Variants in NRXN3 observed in about 807,000 individuals in gnomAD.
NRXN3 encodes the protein neurexin III.
NRXN3 carries 32 observed loss-of-function variants against 137.6 expected under a neutral mutation model. That is an observed-to-expected ratio of 0.23 (90% CI 0.18 to 0.31). The LOEUF is 0.31. NRXN3 is among the 10% of genes least tolerant of loss of function. The pLI is 1.00. For synonymous variants in NRXN3, 798 were observed against 784.5 expected, an observed-to-expected ratio of 1.02 and a Z score of -0.29; for missense variants, 1,574 against 2,062.5, an observed-to-expected ratio of 0.76 and a Z score of 4.59.
At chr14:79,050,695 A>G (rs1210844565) in intron 15 of NRXN3, among the ~76,000 whole-genome samples, 1 of 152,190 alleles carries the variant, frequency 6.6e-6, no homozygotes, top group Non-Finnish European at 1.5e-5. Flanking sequence ...ATCCAAATCA[A>G]TGCAGACACT....
intron 4 of NRXN3, among the ~76,000 whole-genome samples, chr14:78,300,967 G>T (rs777907023): frequency 1.3e-5 from 2 of 152,196 alleles, no homozygotes; most frequent in East Asian, 3.9e-4. Flanking sequence ...TATCAGGAAC[G>T]GGGGAGGGTG....
Position 79,684,316 on chromosome 14 carries a change from T to G in NRXN3, c.3617-7857T>G, listed in dbSNP as rs189607065. Reference sequence around the variant, plus strand: ...ACTAGAAACTGGCTTGAGTTTTAGTTAGAAACAAGCCTAATATGCGGTCCT... The same window carrying G: ...ACTAGAAACTGGCTTGAGTTTTAGTGAGAAACAAGCCTAATATGCGGTCCT... On this transcript the variant is annotated intron_variant, in intron 17 of 20. Coordinates refer to ENST00000335750, the MANE Select transcript of NRXN3 (RefSeq NM_001330195.2). Among the ~76,000 whole-genome samples the G allele has an allele frequency of 6.6e-5, 10 of 152,274 alleles. No homozygotes were observed. The East Asian group carries it at 1.9e-3, about 29-fold the overall frequency.
At chr14:79,652,484 G>C (rs2098481702) in intron 16 of NRXN3, among the ~76,000 whole-genome samples, 1 of 152,116 alleles carries the variant, frequency 6.6e-6, no homozygotes, top group Non-Finnish European at 1.5e-5. Flanking sequence ...ACCTCATGCT[G>C]TTCCAGGGAC....
intron 15 of NRXN3, among the ~76,000 whole-genome samples, chr14:79,305,251 T>A (rs1424660939): frequency 1.3e-5 from 2 of 152,114 alleles, no homozygotes; most frequent in Non-Finnish European, 2.9e-5. Flanking sequence ...CATTCGTAAA[T>A]ACTCAGATAA....
intron 4 of NRXN3, among the ~76,000 whole-genome samples, chr14:78,550,192 G>A (rs117784457): frequency 0.01 from 1,529 of 152,046 alleles, 8 homozygotes; most frequent in Non-Finnish European, 0.016. Flanking sequence ...GTGCCACCAC[G>A]CCTGGCTAAA....
intron 15 of NRXN3, among the ~76,000 whole-genome samples, chr14:78,989,860 T>C (rs148611873): frequency 1.3e-5 from 2 of 152,336 alleles, no homozygotes; most frequent in East Asian, 3.9e-4. Context: ...AGGTAAGTTA[T>C]CGTAACGTGG....
intron 16 of NRXN3, among the ~76,000 whole-genome samples, chr14:79,474,566 C>T (rs1044343443): frequency 2.0e-5 from 3 of 151,972 alleles, no homozygotes; most frequent in Non-Finnish European, 4.4e-5. Context: ...AGGTCATGAC[C>T]TTGGTTAGGT....
At chr14:78,569,812 G>A (rs140598705) in intron 4 of NRXN3, among the ~76,000 whole-genome samples, 3 of 151,920 alleles carry the variant, frequency 2.0e-5, no homozygotes, top group Non-Finnish European at 4.4e-5. Context: ...TACCCGCCTC[G>A]GCCTCCCAAA....
chr14:79,774,078 T>C (rs1415787887), intron 19 of NRXN3, among the ~76,000 whole-genome samples: 3 of 152,258 alleles, frequency 2.0e-5, no homozygotes, highest in South Asian at 2.1e-4. Context: ...TTCTAGAGGA[T>C]TGGGGAAAGA....
chr14:78,698,700 T>C (rs2098250900), intron 6 of NRXN3, among the ~76,000 whole-genome samples: 1 of 152,044 alleles, frequency 6.6e-6, no homozygotes, highest in African/African-American at 2.4e-5. Flanking sequence ...TCTGTTAGTG[T>C]TCTGCTGAGA....
At chr14:78,728,864 A>G (rs1003710898) in intron 8 of NRXN3, among the ~76,000 whole-genome samples, 3 of 152,188 alleles carry the variant, frequency 2.0e-5, no homozygotes, top group Non-Finnish European at 4.4e-5. Context: ...GCACCACTGC[A>G]CTCCAGCCTG....
intron 15 of NRXN3, among the ~76,000 whole-genome samples, chr14:79,190,576 C>T (rs778734933): frequency 1.3e-5 from 2 of 152,058 alleles, no homozygotes; most frequent in Non-Finnish European, 2.9e-5. Flanking sequence ...CTACTGAAGG[C>T]AAGTGTCCAA....
chr14:78,732,711 G>A (rs898284761), intron 8 of NRXN3, among the ~76,000 whole-genome samples: 2 of 152,098 alleles, frequency 1.3e-5, no homozygotes, highest in Non-Finnish European at 2.9e-5. Context: ...TTTTAGATGG[G>A]CTTAAAACAA....
chr14:79,659,736 T>C (rs1342185382), intron 16 of NRXN3, among the ~76,000 whole-genome samples: 1 of 152,090 alleles, frequency 6.6e-6, no homozygotes, highest in Non-Finnish European at 1.5e-5. Flanking sequence ...CCTCCACACA[T>C]CTCTTTATGA....
intron 6 of NRXN3, among the ~76,000 whole-genome samples, chr14:78,655,126 T>A (rs1331415874): frequency 6.6e-6 from 1 of 152,210 alleles, no homozygotes; most frequent in African/African-American, 2.4e-5. Context: ...GAAAATCTGC[T>A]TAAGAATGCT....
chr14:78,810,214 T>TA (rs2098903156), intron 9 of NRXN3, 104 bp from the exon 10 acceptor site: 1 of 697,498 alleles, frequency 1.4e-6, no homozygotes, highest in African/African-American at 1.8e-5. Flanking sequence ...CCACATTTCT[T>TA]ACGTGTGTCT....
At chr14:79,660,845 G>A (rs2153984070) in intron 16 of NRXN3, among the ~76,000 whole-genome samples, 1 of 152,236 alleles carries the variant, frequency 6.6e-6, no homozygotes, top group Admixed American at 6.5e-5. Flanking sequence ...GGTGGGCAGA[G>A]GAGTAATGGT....
intron 4 of NRXN3, among the ~76,000 whole-genome samples, chr14:78,333,685 C>T (rs2081107216): frequency 6.6e-6 from 1 of 151,908 alleles, no homozygotes; most frequent in Non-Finnish European, 1.5e-5. Context: ...TAGGGAGGGA[C>T]CTACAGATTA....
chr14:79,856,917 C>A (rs1430038886), intron 20 of NRXN3, among the ~76,000 whole-genome samples: 1 of 152,062 alleles, frequency 6.6e-6, no homozygotes, highest in Non-Finnish European at 1.5e-5. Context: ...TTTTAAAATG[C>A]TAACTTTAAA....
Sources: allele counts gnomAD v4.1 joint callset (sites outside exome capture counted in the v4.1 genomes callset), GRCh38; gene constraint gnomAD v4.1.1; transcripts MANE v1.5; gene names NCBI Gene and HGNC (gene_info 2026-07-23, HGNC 2026-07-21).